Variants in ME1 observed in about 807,000 individuals in gnomAD.
ME1 encodes the protein NADP-dependent malic enzyme.
ME1 carries 74 observed loss-of-function variants against 66.4 expected under a neutral mutation model. That is an observed-to-expected ratio of 1.11 (90% CI 0.92 to 1.35). ME1 has a LOEUF of 1.35. Among genes scored for constraint, ME1 ranks in the 40% most tolerant of loss-of-function variants. ME1 has a pLI of 0.00. For synonymous variants in ME1, 251 were observed against 235.6 expected (o/e 1.07, Z -0.60); for missense variants, 750 against 694.1 (o/e 1.08, Z -0.90).
chr6:83,293,217 C>A (rs1310795969), intron 6 of ME1, among the ~76,000 whole-genome samples: 1 of 152,198 alleles, frequency 6.6e-6, no homozygotes, highest in African/African-American at 2.4e-5. Context: ...AATCACCCAT[C>A]TTCTGCATCG....
At chr6:83,376,244 G>GCCTGTAATC (rs1344916687) in intron 3 of ME1, among the ~76,000 whole-genome samples, 133 of 152,224 alleles carry the variant, frequency 8.7e-4, no homozygotes, top group African/African-American at 3.1e-3. Context: ...GATGGCTCAT[G>GCCTGTAATC]CCAACACTTT....
Position 83,342,006 on chromosome 6 carries a change from A to G in ME1, c.600+4167T>C, listed in dbSNP as rs1768594558. Among the ~76,000 whole-genome samples, 2 of 152,044 alleles carry G rather than the reference A, an allele frequency of 1.3e-5. 1 individual carries two copies. On this transcript the variant is annotated intron_variant, in intron 5 of 13. Coordinates refer to ENST00000369705, the MANE Select transcript of ME1 (RefSeq NM_002395.6). The stretch of plus-strand genomic sequence containing the variant: ...ATTTGCACAGAAGGGCAGCTTTGTA[A>G]CTCCACTTTAGCCTCAGATTGGTTG...
intron 6 of ME1, among the ~76,000 whole-genome samples, chr6:83,296,912 G>A (rs986540531): frequency 6.6e-6 from 1 of 152,110 alleles, no homozygotes; most frequent in Non-Finnish European, 1.5e-5. Context: ...CTAAAAAATT[G>A]TATTTTGTTT....
chr6:83,273,072 G>T (rs1767114114), intron 6 of ME1, among the ~76,000 whole-genome samples: 1 of 151,472 alleles, frequency 6.6e-6, no homozygotes, highest in African/African-American at 2.4e-5. Flanking sequence ...AGCTACTCGG[G>T]AGGCTGAGGC....
At chr6:83,327,672 T>C (rs1253378301) in intron 5 of ME1, among the ~76,000 whole-genome samples, 1 of 152,192 alleles carries the variant, frequency 6.6e-6, no homozygotes, top group Non-Finnish European at 1.5e-5. Context: ...TTCGCCTCGG[T>C]CCTGTGGTCC....
chr6:83,319,608 C>A (rs1768114663), intron 5 of ME1, among the ~76,000 whole-genome samples: 1 of 152,156 alleles, frequency 6.6e-6, no homozygotes, highest in Non-Finnish European at 1.5e-5. Context: ...AGTTATTCAG[C>A]TGCTAATACA....
intron 6 of ME1, among the ~76,000 whole-genome samples, chr6:83,311,913 A>G (rs1421463355): frequency 6.6e-6 from 1 of 152,110 alleles, no homozygotes; most frequent in South Asian, 2.1e-4. Flanking sequence ...TAACAAAGCT[A>G]CTACTCAATA....
At chr6:83,299,951 C>T (rs1015803845) in intron 6 of ME1, among the ~76,000 whole-genome samples, 4 of 152,062 alleles carry the variant, frequency 2.6e-5, no homozygotes, top group East Asian at 1.9e-4. Flanking sequence ...GGGATGAAAC[C>T]GACTTGAATG....
chr6:83,318,844 A>T (rs1462303929), intron 5 of ME1, among the ~76,000 whole-genome samples: 19 of 105,710 alleles, frequency 1.8e-4, no homozygotes, highest in African/African-American at 5.8e-4. Context: ...CTATAAAGAC[A>T]CATGCACACG....
At chr6:83,332,704 A>G (rs1562483655) in intron 5 of ME1, among the ~76,000 whole-genome samples, 1 of 152,160 alleles carries the variant, frequency 6.6e-6, no homozygotes, top group Non-Finnish European at 1.5e-5. Flanking sequence ...GAGTTAAGCT[A>G]TGGGTACATA....
At chr6:83,350,971 C>CA (rs34259968) in intron 4 of ME1, among the ~76,000 whole-genome samples, 1,393 of 55,810 alleles carry the variant, frequency 0.025, 78 homozygotes, top group Middle Eastern at 0.043. Flanking sequence ...GTGGAGAAAG[C>CA]AAAAAAAAAA....
chr6:83,289,783 G>T (rs1358460933), intron 6 of ME1, among the ~76,000 whole-genome samples: 1 of 152,062 alleles, frequency 6.6e-6, no homozygotes, highest in East Asian at 1.9e-4. Context: ...TGGTTGGTAG[G>T]CTATTAATTA....
intron 1 of ME1, among the ~76,000 whole-genome samples, chr6:83,426,879 A>G (rs1770382775): frequency 6.6e-6 from 1 of 152,210 alleles, no homozygotes; most frequent in African/African-American, 2.4e-5. Context: ...TGTAAGCACA[A>G]TTATGATAGA....
At chr6:83,221,674 G>A (rs1790093766) in intron 12 of ME1, among the ~76,000 whole-genome samples, 1 of 152,050 alleles carries the variant, frequency 6.6e-6, no homozygotes, top group Non-Finnish European at 1.5e-5. Context: ...GATGAGAATA[G>A]AGATACACAG....
chr6:83,279,123 T>G (rs1767243542), intron 6 of ME1, among the ~76,000 whole-genome samples: 1 of 152,152 alleles, frequency 6.6e-6, no homozygotes, highest in Non-Finnish European at 1.5e-5. Context: ...GACAAGAGGT[T>G]AGACAAAAAC....
chr6:83,243,903 A>ATG (rs113101574), intron 7 of ME1, among the ~76,000 whole-genome samples: 11,561 of 142,492 alleles, frequency 0.081, 657 homozygotes, highest in African/African-American at 0.15. Flanking sequence ...ATATATATAT[A>ATG]TATCAGTTAA....
At chr6:83,317,700 C>T (rs1196108641) in intron 5 of ME1, among the ~76,000 whole-genome samples, 1 of 152,124 alleles carries the variant, frequency 6.6e-6, no homozygotes, top group African/African-American at 2.4e-5. Flanking sequence ...TAGGAAGAAT[C>T]AATATCGTGA....
At chr6:83,244,280 A>G in intron 7 of ME1, among the ~76,000 whole-genome samples, 1 of 152,130 alleles carries the variant, frequency 6.6e-6, no homozygotes. Context: ...AAGACTCAGA[A>G]TACTACCTCC....
At chr6:83,246,394 A>G (rs941926911) in intron 7 of ME1, among the ~76,000 whole-genome samples, 1 of 152,142 alleles carries the variant, frequency 6.6e-6, no homozygotes, top group Non-Finnish European at 1.5e-5. Context: ...CACTTTCAAC[A>G]TTCTGATGTT....
Sources: allele counts gnomAD v4.1 joint callset (sites outside exome capture counted in the v4.1 genomes callset), GRCh38; gene constraint gnomAD v4.1.1; transcripts MANE v1.5; gene names NCBI Gene and HGNC (gene_info 2026-07-23, HGNC 2026-07-21).